Variants in STPG2 observed in about 807,000 individuals in gnomAD.
STPG2 encodes the protein sperm tail PG-rich repeat containing 2, also known as sperm-tail PG-rich repeat-containing protein 2.
A neutral mutation model predicts 54.2 loss-of-function variants in STPG2; 56 were observed. The observed-to-expected ratio is 1.03, with a 90% CI of 0.83 to 1.29. The LOEUF is 1.29. Among genes scored for constraint, STPG2 ranks in the 50% most tolerant of loss-of-function variants. The pLI is 0.00. For missense variants in STPG2, 596 were observed against 544.9 expected, an observed-to-expected ratio of 1.09 and a Z score of -0.93; for synonymous variants, 200 against 181.8, an observed-to-expected ratio of 1.10 and a Z score of -0.81.
rs369045254 is a variant in STPG2, at chr4:97,486,230, A to AC, written c.462+226468_462+226469insG. ...GCAAAAGGAACAGTCACCAGAGTAA[A>AC]AGGCAACCCATAGAGTGGGAGAAAA... is the stretch of plus-strand genomic sequence containing the variant. On this transcript the variant is annotated intron_variant, in intron 4 of 4. Coordinates refer to the STPG2 transcript ENST00000522676. Among the ~76,000 whole-genome samples, 912 of 151,912 alleles carry AC rather than the reference A, an allele frequency of 6.0e-3. 5 individuals are homozygous for AC. The highest frequency in any genetic ancestry group is 0.02 in the South Asian group (98 of 4,828).
At chr4:97,919,609 A>G (rs1199641636) in intron 8 of STPG2, among the ~76,000 whole-genome samples, 1 of 152,130 alleles carries the variant, frequency 6.6e-6, no homozygotes, top group Non-Finnish European at 1.5e-5. Flanking sequence ...TTGAATGAAT[A>G]AAAGTAGACA....
intron 9 of STPG2, among the ~76,000 whole-genome samples, chr4:97,835,293 T>C (rs973199934): frequency 1.1e-4 from 17 of 152,102 alleles, no homozygotes; most frequent in African/African-American, 3.6e-4. Flanking sequence ...AGTTATCCTA[T>C]ATGGTCTAAA....
chr4:97,947,336 CA>C (rs1297901638), intron 7 of STPG2, among the ~76,000 whole-genome samples: 1 of 152,088 alleles, frequency 6.6e-6, no homozygotes, highest in African/African-American at 2.4e-5. Flanking sequence ...GATATATAAT[CA>C]TATCATTGGT....
chr4:97,508,496 T>G (rs1730901149), intron 4 of STPG2, among the ~76,000 whole-genome samples: 3 of 152,052 alleles, frequency 2.0e-5, no homozygotes, highest in African/African-American at 7.2e-5. Flanking sequence ...GCAATACATT[T>G]CAATATATGT....
rs1290804763 is a variant in STPG2, at chr4:97,486,829, G to GTATATA, written c.462+225864_462+225869dup. Among the ~76,000 whole-genome samples, 832 of 90,226 alleles carry GTATATA rather than the reference G, an allele frequency of 9.2e-3. 6 individuals carry two copies. The highest frequency in any genetic ancestry group is 0.027 in the African/African-American group (787 of 29,684). The allele number at this position is 90,226 out of a possible 152,430, so 59.2% of individuals were successfully genotyped here. On this transcript the variant is annotated intron_variant, in intron 4 of 4. Coordinates refer to the STPG2 transcript ENST00000522676. ...GGTGTGTGTGTGTGTGTGTGTGTGTGTATATATATATATATATATGTATGT... is the reference window on the plus strand; with the variant it reads ...GGTGTGTGTGTGTGTGTGTGTGTGTGTATATATATATATATATATATATATGTATGT...
At chr4:97,559,242 A>G (rs1174793442) in intron 10 of STPG2, 125 bp from the exon 11 acceptor site, 4 of 646,986 alleles carry the variant, frequency 6.2e-6, no homozygotes, top group Non-Finnish European at 1.1e-5. Flanking sequence ...AATATATAAA[A>G]TGATATAATC....
intron 10 of STPG2, among the ~76,000 whole-genome samples, chr4:97,698,742 G>A (rs1192473074): frequency 2.6e-5 from 4 of 152,052 alleles, no homozygotes; most frequent in African/African-American, 4.8e-5. Context: ...GCCAGAGCCC[G>A]GCAAAGTATT....
intron 10 of STPG2, among the ~76,000 whole-genome samples, chr4:97,689,315 A>C (rs1723292027): frequency 6.6e-6 from 1 of 152,148 alleles, no homozygotes; most frequent in East Asian, 1.9e-4. Context: ...ATTTTGACTA[A>C]ATATAAAGCA....
chr4:97,563,311 C>T (rs577611009), intron 10 of STPG2, among the ~76,000 whole-genome samples: 45 of 152,074 alleles, frequency 3.0e-4, no homozygotes, highest in African/African-American at 9.4e-4. Context: ...TTTTTTATTG[C>T]GTCTATTTGA....
intron 10 of STPG2, among the ~76,000 whole-genome samples, chr4:97,673,470 A>G (rs537774724): frequency 1.1e-4 from 17 of 152,318 alleles, no homozygotes; most frequent in African/African-American, 4.1e-4. Flanking sequence ...TTTAACAAAT[A>G]TTTTAGTAAC....
chr4:97,671,057 C>G (rs560382138), intron 10 of STPG2, among the ~76,000 whole-genome samples: 2 of 152,284 alleles, frequency 1.3e-5, no homozygotes, highest in East Asian at 3.9e-4. Context: ...TGTGGCCTAT[C>G]TATCATCCTC....
chr4:97,719,084 A>C (rs570694791), intron 9 of STPG2, among the ~76,000 whole-genome samples: 1 of 152,058 alleles, frequency 6.6e-6, no homozygotes, highest in Admixed American at 6.5e-5. Context: ...AAAACTTTGA[A>C]ATCTGAAACT....
intron 5 of STPG2, among the ~76,000 whole-genome samples, chr4:98,093,671 T>C (rs527774713): frequency 1.3e-5 from 2 of 152,314 alleles, no homozygotes; most frequent in South Asian, 4.1e-4. Context: ...TAGTCTTGAA[T>C]CATCGATGTC....
chr4:97,544,266 A>G (rs796733337), intron 4 of STPG2, among the ~76,000 whole-genome samples: 40 of 152,260 alleles, frequency 2.6e-4, no homozygotes, highest in African/African-American at 8.9e-4. Flanking sequence ...TATACAGACC[A>G]GATTCAGATA....
chr4:97,977,408 C>A (rs1244117225), intron 6 of STPG2, among the ~76,000 whole-genome samples: 7 of 152,294 alleles, frequency 4.6e-5, no homozygotes, highest in South Asian at 2.1e-4. Context: ...GCACTGACCC[C>A]ATTCCTTTGG....
intron 4 of STPG2, among the ~76,000 whole-genome samples, chr4:97,548,569 T>C (rs1228421373): frequency 6.6e-6 from 1 of 151,486 alleles, no homozygotes; most frequent in Non-Finnish European, 1.5e-5. Context: ...GAAATAATAA[T>C]AGTATGAAAT....
At chr4:98,077,225 T>TTTGTTGTTGTTGTTGTTGTTG (rs56140336) in intron 5 of STPG2, among the ~76,000 whole-genome samples, 3 of 148,570 alleles carry the variant, frequency 2.0e-5, no homozygotes, top group Admixed American at 6.7e-5. Context: ...CCTCAATAGT[T>TTTGTTGTTGTTGTTGTTGTTG]TTGTTGTTGT....
Position 98,006,233 on chromosome 4 carries a change from G to C in STPG2, c.613-24915C>G, listed in dbSNP as rs569973683. Among the ~76,000 whole-genome samples, 106 of 152,266 alleles carry C rather than the reference G, an allele frequency of 7.0e-4. 1 individual carries two copies. Among genetic ancestry groups the C allele is most frequent in the African/African-American group, 2.4e-3 (101 of 41,552 alleles). ...TCAGACAGCCTGCACAACAGGATAT[G>C]GCTGAGAACTGTGAGTAAAGTTCCA... is the stretch of plus-strand genomic sequence containing the variant. On this transcript the variant is annotated intron_variant, in intron 5 of 10. Transcript: ENST00000295268.
At chr4:97,761,704 T>C (rs1375723688) in intron 9 of STPG2, among the ~76,000 whole-genome samples, 2 of 152,158 alleles carry the variant, frequency 1.3e-5, no homozygotes, top group Admixed American at 6.5e-5. Flanking sequence ...GTGATAAAAA[T>C]AGAGGACTTT....
Sources: gnomAD v4.1 joint callset for allele counts (sites outside exome capture counted in the v4.1 genomes callset) on GRCh38, gnomAD v4.1.1 for gene constraint, MANE v1.5 for transcripts, NCBI Gene and HGNC (gene_info 2026-07-23, HGNC 2026-07-21) for gene names.